Variants in UTP4 observed in about 807,000 individuals in gnomAD.
The protein encoded by UTP4 is U3 small nucleolar RNA-associated protein 4 homolog.
Under a neutral mutation model 82.4 loss-of-function variants are expected in UTP4, and 45 were observed. That is an observed-to-expected ratio of 0.55 (90% CI 0.43 to 0.70). The LOEUF (loss-of-function observed/expected upper bound fraction) is 0.70. Ranked by LOEUF, UTP4 falls within the 30% of genes least tolerant of loss-of-function variation. UTP4 has a pLI of 0.00. For missense variants in UTP4, 819 were observed against 858.3 expected (o/e 0.95, Z 0.57); for synonymous variants, 348 against 300.3 (o/e 1.16, Z -1.64).
chr16:69,137,994 A>G, intron 4 of UTP4, 109 bp downstream of exon 4: 2 of 766,652 alleles, frequency 2.6e-6, no homozygotes, highest in Admixed American at 1.9e-5. Context: ...TTTTATCTCT[A>G]CTGGGTACAG....
chr16:69,152,464 CTTTTTTTTTTT>C (rs58914042), intron 8 of UTP4, among the ~76,000 whole-genome samples: 2,534 of 107,156 alleles, frequency 0.024, 97 homozygotes, highest in African/African-American at 0.082. Flanking sequence ...TTCTGTTTTT[CTTTTTTTTTTT>C]TTTTTTTTTT....
Position 69,168,974 on chromosome 16 carries a change from A to G in UTP4, c.*37A>G, listed in dbSNP as rs1048028505. 4.0e-6 allele frequency: 5 copies of G among 1,243,942 alleles called. No individual in the cohort carries two copies. Among genetic ancestry groups the G allele is most frequent in the African/African-American group, 1.5e-5 (1 of 67,738 alleles). 77.1% of individuals were successfully genotyped at this position (1,243,942 alleles called of 1,614,324 possible). On this transcript the variant is annotated 3_prime_UTR_variant, in exon 17 of 17. Coordinates refer to ENST00000314423, the MANE Select transcript of UTP4 (RefSeq NM_032830.3). ...GTCTGTGTCCTTCCTTGAACTGTCT[A>G]CCCTGTTGCTTTTCACAAATCATGG...
intron 2 of UTP4, among the ~76,000 whole-genome samples, chr16:69,135,880 A>G (rs548853919): frequency 2.0e-5 from 3 of 152,258 alleles, no homozygotes; most frequent in Admixed American, 6.5e-5. Context: ...ACAAAAAAAA[A>G]TAGCGGGACG....
At chr16:69,168,100 A>C (rs1963744605) in intron 16 of UTP4, among the ~76,000 whole-genome samples, 1 of 152,156 alleles carries the variant, frequency 6.6e-6, no homozygotes, top group South Asian at 2.1e-4. Context: ...GAGAAATGTA[A>C]AAAAATCCTG....
At chr16:69,148,440 C>T (rs1963178798) in intron 6 of UTP4, among the ~76,000 whole-genome samples, 2 of 150,464 alleles carry the variant, frequency 1.3e-5, no homozygotes, top group Admixed American at 1.3e-4. Flanking sequence ...ATCATGTTGG[C>T]CAGGCTGGTC....
At chr16:69,160,132 C>G (rs532875622) in intron 12 of UTP4, among the ~76,000 whole-genome samples, 16 of 152,338 alleles carry the variant, frequency 1.1e-4, no homozygotes, top group Middle Eastern at 3.4e-3. Flanking sequence ...GTAATAACTT[C>G]TGTTTTATCT....
intron 13 of UTP4, among the ~76,000 whole-genome samples, chr16:69,161,896 A>C (rs1293684300): frequency 1.3e-5 from 2 of 151,286 alleles, no homozygotes; most frequent in African/African-American, 4.9e-5. Context: ...TCCTGGACTC[A>C]AGCGTTCCTC....
At chr16:69,158,225 G>A (rs2152282543) in intron 12 of UTP4, among the ~76,000 whole-genome samples, 1 of 129,404 alleles carries the variant, frequency 7.7e-6, no homozygotes, top group East Asian at 2.5e-4. Context: ...AGGCTGGAGT[G>A]CAGTGGTGCG....
At chr16:69,145,530 G>A (rs1963085860) in intron 6 of UTP4, among the ~76,000 whole-genome samples, 1 of 151,978 alleles carries the variant, frequency 6.6e-6, no homozygotes, top group South Asian at 2.1e-4. Flanking sequence ...TGAAAATACA[G>A]GCATGAGCCA....
Position 69,139,827 on chromosome 16 carries a change from C to G in UTP4, c.439C>G (p.Arg147Gly), listed in dbSNP as rs1372319490. 1 of 1,611,850 alleles carries G rather than the reference C, an allele frequency of 6.2e-7. No individual in the cohort carries two copies. The highest frequency in any genetic ancestry group is 2.2e-5 in the East Asian group (1 of 44,874). The stretch of plus-strand genomic sequence containing the variant: ...TTTTTTGTTGTCCAACTCCCAAGGT[C>G]GCATCCTGAGTCTCAGCTGGCATCC... Reference protein sequence around the residue: ...FERNFDRQKSRILSLSWHPSG... With the variant: ...FERNFDRQKSGILSLSWHPSG... The change falls in exon 5 of 17, where the codon CGC becomes GGC. Residue 147 changes from arginine (R) to glycine (G), a missense_variant and splice_region_variant. Transcript: ENST00000314423.
At chr16:69,138,451 T>C (rs144965155) in intron 4 of UTP4, among the ~76,000 whole-genome samples, 2,636 of 152,278 alleles carry the variant, frequency 0.017, 82 homozygotes, top group African/African-American at 0.06. Flanking sequence ...TTGGCCAGGC[T>C]GGTCTCGAAC....
intron 10 of UTP4, among the ~76,000 whole-genome samples, chr16:69,155,026 A>G (rs927884478): frequency 1.3e-5 from 2 of 152,072 alleles, no homozygotes; most frequent in South Asian, 2.1e-4. Context: ...AGCCATGTGC[A>G]TATTTTTAAA....
At chr16:69,145,690 A>T (rs1233796912) in intron 6 of UTP4, among the ~76,000 whole-genome samples, 1 of 151,796 alleles carries the variant, frequency 6.6e-6, no homozygotes, top group Non-Finnish European at 1.5e-5. Flanking sequence ...GTGTCTTTAG[A>T]GAAGAGGGAG....
rs779588667 is a variant in UTP4 at position 69,160,470 on chromosome 16, T to C, written c.1551+8T>C. 1.3e-5 allele frequency: 21 copies of C among 1,602,888 alleles called. No homozygotes were observed. Among genetic ancestry groups the C allele is most frequent in the Non-Finnish European group, 1.8e-5 (21 of 1,169,842 alleles). ...AACGTAAAACAGCTAAAGGTGAGCA[T>C]AGGGTTTCATGGCAGCAGTTTGAAT... On this transcript the variant is annotated splice_region_variant and intron_variant, in intron 13 of 16. Coordinates refer to ENST00000314423, the MANE Select transcript of UTP4 (RefSeq NM_032830.3).
Position 69,139,845 on chromosome 16 carries a change from T to G in UTP4, c.457T>G (p.Trp153Gly), listed in dbSNP as rs1962913598. The G allele has an allele frequency of 6.2e-7, 1 of 1,613,770 alleles. No individual in the cohort carries two copies. The change falls in exon 5 of 17, where the codon TGG becomes GGG. Residue 153 changes from tryptophan (W) to glycine (G), a missense_variant. Transcript: ENST00000314423. ...RQKSRILSLS[W>G]HPSGTHIAAG... ...CCAAGGTCGCATCCTGAGTCTCAGC[T>G]GGCATCCCTCTGGTACCCACATTGC...
chr16:69,154,879 C>A (rs1054988857), intron 10 of UTP4, among the ~76,000 whole-genome samples: 15 of 152,088 alleles, frequency 9.9e-5, no homozygotes, highest in Non-Finnish European at 1.8e-4. Context: ...CATGCATGCG[C>A]CACCACGCCC....
chr16:69,154,249 T>G, intron 9 of UTP4, 144 bp from the exon 10 acceptor site: 1 of 668,704 alleles, frequency 1.5e-6, no homozygotes, highest in South Asian at 1.9e-5. Flanking sequence ...CCCTCAAAAA[T>G]TGTGAGCTTA....
intron 14 of UTP4, among the ~76,000 whole-genome samples, chr16:69,164,138 C>T (rs940196530): frequency 1.3e-5 from 2 of 152,028 alleles, no homozygotes; most frequent in Non-Finnish European, 2.9e-5. Context: ...CCCGCCTCGG[C>T]CTCCCAAAGT....
chr16:69,153,078 G>T (rs540295367), intron 8 of UTP4, among the ~76,000 whole-genome samples: 41 of 151,978 alleles, frequency 2.7e-4, no homozygotes, highest in African/African-American at 4.1e-4. Context: ...TGCACCTCTC[G>T]TGCTTGTAGC....
Sources: allele counts gnomAD v4.1 joint callset (sites outside exome capture counted in the v4.1 genomes callset), GRCh38; gene constraint gnomAD v4.1.1; transcripts MANE v1.5; gene names NCBI Gene and HGNC (gene_info 2026-07-23, HGNC 2026-07-21).